MORC3: variants seen among roughly 807,000 people sequenced by gnomAD.
The protein encoded by MORC3 is MORC family CW-type zinc finger 3.
In MORC3, 31 loss-of-function variants were observed where a neutral mutation model predicts 109.1. That is an observed-to-expected ratio of 0.28 (90% CI 0.21 to 0.38). MORC3 has a LOEUF of 0.38. MORC3 is among the 10% of genes least tolerant of loss of function. The pLI is 1.00. For synonymous variants in MORC3, 395 were observed against 380.7 expected, an observed-to-expected ratio of 1.04 and a Z score of -0.44; for missense variants, 867 against 1,135.8, an observed-to-expected ratio of 0.76 and a Z score of 3.40.
At chr21:36,354,462 G>A (rs983689843) in intron 9 of MORC3, among the ~76,000 whole-genome samples, 5 of 151,234 alleles carry the variant, frequency 3.3e-5, no homozygotes, top group African/African-American at 1.2e-4. Flanking sequence ...ACGCCATCAC[G>A]CCCGGCTAAT....
In MORC3 at chr21:36,368,995, C is replaced by T; in HGVS notation, c.1627C>T (p.Arg543Trp). 1 of 1,602,014 alleles carries T rather than the reference C, an allele frequency of 6.2e-7. No individual in the cohort carries two copies. Among genetic ancestry groups the T allele is most frequent in the Non-Finnish European group, 8.5e-7 (1 of 1,173,534 alleles). Residue 543 changes from arginine to tryptophan, a missense_variant, in exon 15 of 17, where the codon CGG (arginine) becomes TGG (tryptophan). Coordinates refer to ENST00000400485, the MANE Select transcript of MORC3 (RefSeq NM_015358.3). ...GTATAAAATTTTTTTCAGCTTGAAA[C>T]GGAGACTTTCTACTCGTTCCTCAAT... ...QSEPESNSLK[R>W]RLSTRSSILN...
At chr21:36,327,697 A>G (rs757464373) in intron 1 of MORC3, among the ~76,000 whole-genome samples, 1 of 151,222 alleles carries the variant, frequency 6.6e-6, no homozygotes, top group South Asian at 2.1e-4. Context: ...ATACCAGTTG[A>G]TGACTGAAAC....
chr21:36,332,255 C>T (rs532673443), intron 1 of MORC3, among the ~76,000 whole-genome samples: 8 of 151,986 alleles, frequency 5.3e-5, no homozygotes, highest in East Asian at 3.9e-4. Context: ...GTCAACATGG[C>T]GAAACCCCTT....
chr21:36,320,916 C>A (rs988888722), intron 1 of MORC3, among the ~76,000 whole-genome samples: 1 of 152,172 alleles, frequency 6.6e-6, no homozygotes, highest in Non-Finnish European at 1.5e-5. Flanking sequence ...TCTTGGAAAC[C>A]CTGTGAACAT....
rs1443083035 is a variant in MORC3 at position 36,376,082 on chromosome 21, A to G, written c.*786A>G. On this transcript the variant is annotated 3_prime_UTR_variant, in exon 17 of 17. Coordinates refer to ENST00000400485, the MANE Select transcript of MORC3 (RefSeq NM_015358.3). ...TATTTCTTTTTGTGAAATTTCCTGT[A>G]CAGCCTTTTGTAGGATTACTACAGG... 6.6e-6 allele frequency: 1 copy of G among 152,420 alleles called. No homozygotes were observed. The highest frequency in any genetic ancestry group is 1.5e-5 in the Non-Finnish European group (1 of 68,038). 9.4% of individuals were successfully genotyped at this position (152,420 alleles called of 1,614,324 possible).
intron 2 of MORC3, among the ~76,000 whole-genome samples, chr21:36,336,251 T>C (rs2085374738): frequency 6.8e-6 from 1 of 146,744 alleles, no homozygotes; most frequent in Non-Finnish European, 1.5e-5. Flanking sequence ...TGTTTTTGTT[T>C]TTGTTTTTGG....
Position 36,373,410 on chromosome 21 carries a change from G to A in MORC3, c.2666+879G>A, listed in dbSNP as rs2085892314. Reference sequence around the variant, plus strand: ...AGGCCAAGATGGGTGGATCACTTGAGGTCAGGAGTTCGAGACCAGCCTGAC... The same window carrying A: ...AGGCCAAGATGGGTGGATCACTTGAAGTCAGGAGTTCGAGACCAGCCTGAC... On this transcript the variant is annotated intron_variant, in intron 16 of 16. Coordinates refer to ENST00000400485, the MANE Select transcript of MORC3 (RefSeq NM_015358.3). Among the ~76,000 whole-genome samples, 7 of 152,090 alleles carry A rather than the reference G, an allele frequency of 4.6e-5. No individual in the cohort carries two copies. The South Asian group carries it at 1.5e-3, about 32-fold the overall frequency.
At chr21:36,365,051 CAAA>C (rs72445251) in intron 14 of MORC3, among the ~76,000 whole-genome samples, 2 of 94,426 alleles carry the variant, frequency 2.1e-5, no homozygotes, top group Non-Finnish European at 2.0e-5. Flanking sequence ...GACTCCATCT[CAAA>C]AAAAAAAAAA....
At chr21:36,366,992 A>G (rs184018107) in intron 14 of MORC3, among the ~76,000 whole-genome samples, 319 of 152,298 alleles carry the variant, frequency 2.1e-3, no homozygotes, top group African/African-American at 7.0e-3. Context: ...GTCCCTAGAA[A>G]GTCTCCTAAC....
At chr21:36,363,665 T>C (rs1045014731) in intron 13 of MORC3, among the ~76,000 whole-genome samples, 2 of 152,184 alleles carry the variant, frequency 1.3e-5, no homozygotes, top group African/African-American at 4.8e-5. Flanking sequence ...TTCTGCTGAA[T>C]GGGTATTGCT....
chr21:36,357,772 ACT>A (rs1241603806), intron 10 of MORC3, among the ~76,000 whole-genome samples: 5 of 133,144 alleles, frequency 3.8e-5, no homozygotes, highest in African/African-American at 1.4e-4. Context: ...ATGGAGTCTC[ACT>A]CTGTCACCCA....
chr21:36,364,768 C>A (rs560992945), intron 14 of MORC3, among the ~76,000 whole-genome samples: 2 of 151,948 alleles, frequency 1.3e-5, no homozygotes, highest in Non-Finnish European at 2.9e-5. Context: ...AAATGTGAAG[C>A]AGCCCGGGCG....
chr21:36,352,173 CATAG>C (rs60231211), intron 9 of MORC3, among the ~76,000 whole-genome samples: 12,815 of 152,020 alleles, frequency 0.084, 1,672 homozygotes, highest in African/African-American at 0.29. Context: ...TGGTCATATA[CATAG>C]ATAGAGAAAA....
intron 12 of MORC3, 110 bp downstream of exon 12, chr21:36,360,368 A>C: frequency 2.7e-6 from 3 of 1,124,922 alleles, no homozygotes; most frequent in Non-Finnish European, 3.8e-6. Context: ...TAACTGAAAA[A>C]GTTTATAATG....
At chr21:36,321,093 CT>C (rs2085189148) in intron 1 of MORC3, among the ~76,000 whole-genome samples, 1 of 152,170 alleles carries the variant, frequency 6.6e-6, no homozygotes, top group African/African-American at 2.4e-5. Flanking sequence ...AGGTTGTTGA[CT>C]TTTGCCAAAG....
At chr21:36,353,124 C>T (rs1022570552) in intron 9 of MORC3, among the ~76,000 whole-genome samples, 4 of 148,870 alleles carry the variant, frequency 2.7e-5, no homozygotes, top group African/African-American at 9.9e-5. Flanking sequence ...TTTAGGAGGC[C>T]GAGGTGGGCG....
At chr21:36,370,635 A>ATTTTTTTTTTTTTTTTTTT (rs1361206395) in intron 15 of MORC3, among the ~76,000 whole-genome samples, 1 of 42,004 alleles carries the variant, frequency 2.4e-5, no homozygotes. Flanking sequence ...ATATATATAT[A>ATTTTTTTTTTTTTTTTTTT]TATATTTTTT....
intron 5 of MORC3, among the ~76,000 whole-genome samples, chr21:36,340,777 T>A (rs559191091): frequency 6.6e-6 from 1 of 152,086 alleles, no homozygotes; most frequent in East Asian, 1.9e-4. Context: ...GCTGGGATTA[T>A]AGGCACCTGC....
chr21:36,335,604 C>T (rs1013696643), intron 2 of MORC3, among the ~76,000 whole-genome samples: 3 of 152,202 alleles, frequency 2.0e-5, no homozygotes, highest in Non-Finnish European at 4.4e-5. Context: ...GCATGAGCCG[C>T]TGCGCCCAGC....
Sources: allele counts gnomAD v4.1 joint callset (sites outside exome capture counted in the v4.1 genomes callset), GRCh38; gene constraint gnomAD v4.1.1; transcripts MANE v1.5; gene names NCBI Gene and HGNC (gene_info 2026-07-23, HGNC 2026-07-21).